The following KLF8 variants were observed in gnomAD, a reference collection of about 807,000 sequenced individuals.
The protein encoded by KLF8 is Krueppel-like factor 8.
In KLF8, 10 loss-of-function variants were observed where a neutral mutation model predicts 18.2. The observed-to-expected ratio is 0.55, with a 90% confidence interval of 0.34 to 0.93. KLF8 has a LOEUF of 0.93. KLF8 is among the 40% of genes least tolerant of loss of function. The pLI, the probability that KLF8 is intolerant of heterozygous loss-of-function variation, is 0.02. For missense variants in KLF8, 264 were observed against 277.9 expected, an observed-to-expected ratio of 0.95 and a Z score of 0.36; for synonymous variants, 109 against 97.3, an observed-to-expected ratio of 1.12 and a Z score of -0.71.
chrX:55,999,449 T>A, the KLF8 span, among the ~76,000 whole-genome samples: 2 of 109,003 alleles, frequency 1.8e-5, no homozygotes, highest in Non-Finnish European at 3.8e-5. Context: ...TTCATAATAC[T>A]GATTCTTCCA....
At chrX:56,114,169 T>C in the KLF8 span, among the ~76,000 whole-genome samples, 1 of 112,178 alleles carries the variant, frequency 8.9e-6, no homozygotes, top group East Asian at 2.8e-4. Context: ...TGTGCTACAC[T>C]GTGGGGAGTT....
chrX:55,974,364 G>GA, the KLF8 span, among the ~76,000 whole-genome samples: 5 of 110,230 alleles, frequency 4.5e-5, no homozygotes, highest in South Asian at 1.5e-3. Context: ...GTAGAATTTT[G>GA]AAAAAAAATA....
chrX:56,006,616 T>C, the KLF8 span, among the ~76,000 whole-genome samples: 4 of 112,656 alleles, frequency 3.6e-5, no homozygotes, highest in Admixed American at 3.7e-4. Context: ...TTTATATGTC[T>C]GTTGGACATT....
At chrX:56,054,843 T>C in the KLF8 span, among the ~76,000 whole-genome samples, 2 of 112,112 alleles carry the variant, frequency 1.8e-5, no homozygotes, top group African/African-American at 6.5e-5. Context: ...ATAATGCTTT[T>C]CTTTGTCTTT....
At chrX:55,992,365 C>T in the KLF8 span, among the ~76,000 whole-genome samples, 1 of 112,137 alleles carries the variant, frequency 8.9e-6, no homozygotes, top group African/African-American at 3.2e-5. Context: ...ATTCATTTTT[C>T]CATTGCTTCT....
the KLF8 span, among the ~76,000 whole-genome samples, chrX:56,174,309 T>G: frequency 9.8e-5 from 11 of 111,899 alleles, no homozygotes; most frequent in Admixed American, 9.6e-4. Context: ...GCATGAAGCA[T>G]TGTTGAATTT....
chrX:56,094,765 A>C, the KLF8 span, among the ~76,000 whole-genome samples: 2 of 111,411 alleles, frequency 1.8e-5, no homozygotes, highest in African/African-American at 6.5e-5. Flanking sequence ...CCCAAACAAC[A>C]ATGGAATTAA....
the KLF8 span, among the ~76,000 whole-genome samples, chrX:56,197,857 G>A: frequency 8.1e-5 from 9 of 111,722 alleles, no homozygotes; most frequent in African/African-American, 2.0e-4. Context: ...CTGGCAAACC[G>A]AATCCAGCAG....
chrX:56,109,555 C>T, the KLF8 span, among the ~76,000 whole-genome samples: 1 of 111,157 alleles, frequency 9.0e-6, no homozygotes, highest in Non-Finnish European at 1.9e-5. Context: ...GATCTTCTTT[C>T]TAAATGTTCG....
the KLF8 span, among the ~76,000 whole-genome samples, chrX:55,988,893 A>T: frequency 9.0e-6 from 1 of 111,291 alleles, no homozygotes; most frequent in Non-Finnish European, 1.9e-5. Flanking sequence ...AGTGGTTTGT[A>T]GTTCTCCTTG....
chrX:56,134,041 C>T, the KLF8 span, among the ~76,000 whole-genome samples: 1 of 111,618 alleles, frequency 9.0e-6, no homozygotes, highest in Admixed American at 9.5e-5. Flanking sequence ...AAACACATCT[C>T]ATGCTCATGG....
chrX:56,169,395 G>T, the KLF8 span, among the ~76,000 whole-genome samples: 1 of 111,304 alleles, frequency 9.0e-6, no homozygotes, highest in South Asian at 3.8e-4. Flanking sequence ...TTTGCTCTTG[G>T]GGTCCTTGAT....
chrX:56,277,235 G>A lies in KLF8; in HGVS notation c.898+6914G>A, dbSNP rs188875689. Among the ~76,000 whole-genome samples the A allele has an allele frequency of 7.0e-3, 782 of 111,414 alleles. 5 individuals carry two copies. Among genetic ancestry groups the A allele is most frequent in the Middle Eastern group, 0.018 (4 of 217 alleles). Reference sequence around the variant, plus strand: ...GCTTGTAGATATTCATTAGCGTCTGGGCATTGAAGAGTTAGGTATTTATTG... The same window carrying A: ...GCTTGTAGATATTCATTAGCGTCTGAGCATTGAAGAGTTAGGTATTTATTG... On this transcript the variant is annotated intron_variant, in intron 5 of 5. Transcript: ENST00000468660.
At chrX:56,252,002 T>C (rs745718947) in intron 2 of KLF8, among the ~76,000 whole-genome samples, 2 of 111,441 alleles carry the variant, frequency 1.8e-5, no homozygotes, top group African/African-American at 3.3e-5. Context: ...GTAGGTCTTA[T>C]TTGTTATTTC....
the KLF8 span, among the ~76,000 whole-genome samples, chrX:55,966,780 A>C: frequency 8.9e-6 from 1 of 112,141 alleles, no homozygotes; most frequent in Non-Finnish European, 1.9e-5. Context: ...AACGTGCTAA[A>C]GAAGGCACCA....
the KLF8 span, among the ~76,000 whole-genome samples, chrX:56,063,234 G>A: frequency 2.7e-5 from 3 of 111,225 alleles, no homozygotes; most frequent in Non-Finnish European, 3.8e-5. Flanking sequence ...ATCCTTTGTA[G>A]GAGAAGAGGC....
chrX:56,017,048 T>C, the KLF8 span, among the ~76,000 whole-genome samples: 3 of 112,004 alleles, frequency 2.7e-5, no homozygotes, highest in Admixed American at 9.5e-5. Flanking sequence ...GATTTTAAAA[T>C]AAGAGAGGTT....
At chrX:56,225,672 C>T in the KLF8 span, among the ~76,000 whole-genome samples, 1 of 112,186 alleles carries the variant, frequency 8.9e-6, no homozygotes, top group Non-Finnish European at 1.9e-5. Context: ...TGTTTATGTA[C>T]ATGTATTAAG....
the KLF8 span, among the ~76,000 whole-genome samples, chrX:56,124,358 G>A: frequency 1.8e-5 from 2 of 111,859 alleles, no homozygotes; most frequent in Admixed American, 9.5e-5. Flanking sequence ...TTTTTGTTGA[G>A]TAAATAAATT....
Sources: allele counts gnomAD v4.1 joint callset (sites outside exome capture counted in the v4.1 genomes callset), GRCh38; gene constraint gnomAD v4.1.1; transcripts MANE v1.5; gene names NCBI Gene and HGNC (gene_info 2026-07-23, HGNC 2026-07-21).